TUT1: variants seen among roughly 807,000 people sequenced by gnomAD.
The protein encoded by TUT1 is speckle targeted PIP5K1A-regulated poly(A) polymerase.
In TUT1, 26 loss-of-function variants were observed where a neutral mutation model predicts 48.8. The ratio of observed to expected loss-of-function variants is 0.53; its 90% confidence interval spans 0.39 to 0.74. The LOEUF (loss-of-function observed/expected upper bound fraction) is 0.74. Ranked by LOEUF, TUT1 falls within the 30% of genes least tolerant of loss-of-function variation. The pLI, the probability that TUT1 is intolerant of heterozygous loss-of-function variation, is 0.00. For missense variants in TUT1, 1,065 were observed against 1,114.8 expected (o/e 0.96, Z 0.64); for synonymous variants, 470 against 460.8 (o/e 1.02, Z -0.26).
chr11:62,581,519 C>T lies in TUT1; in HGVS notation c.456G>A (p.Ala152=), dbSNP rs373277765. 9.5e-5 allele frequency: 154 copies of T among 1,614,090 alleles called. No homozygotes were observed. The highest frequency in any genetic ancestry group is 1.3e-4 in the Non-Finnish European group (149 of 1,180,052). The change falls in exon 3 of 9, where the codon GCG becomes GCA. Residue 152 remains alanine (A), a synonymous_variant. Transcript: ENST00000476907. ...CCCCCACGTCTGCAGCCTCAGCTAGCGCTTTGGCCAGCTGGTGACTGTCGG... is the reference window on the plus strand; with the variant it reads ...CCCCCACGTCTGCAGCCTCAGCTAGTGCTTTGGCCAGCTGGTGACTGTCGG... The part of the protein sequence containing the change: ...AAPDSHQLAK[A]LAEAADVGAQ...
intron 1 of TUT1, 103 bp downstream of exon 1, chr11:62,591,301 C>A: frequency 7.0e-7 from 1 of 1,429,642 alleles, no homozygotes. Flanking sequence ...CCCTACCAAT[C>A]AACTTGACAA....
intron 2 of TUT1, 47 bp from the exon 3 acceptor site, chr11:62,581,748 T>TGCG: frequency 7.6e-7 from 1 of 1,313,320 alleles, no homozygotes; most frequent in Admixed American, 3.8e-5. Context: ...ACCAAGAATC[T>TGCG]AAGCACGAGA....
chr11:62,583,673 T>C (rs776725148), intron 2 of TUT1, among the ~76,000 whole-genome samples: 10 of 152,162 alleles, frequency 6.6e-5, no homozygotes, highest in Non-Finnish European at 1.3e-4. Context: ...TTCTTTTATA[T>C]CCTCCAATGG....
In TUT1 at chr11:62,575,239, T is replaced by C; in HGVS notation, c.2480A>G (p.Glu827Gly). ...AGACGCCACAAAGCTCAGCAGGGGC[T>C]CAGTTTCTGGCCTCTCTTCGCCACC... ...LSGGEERPET[E>G]PLLSFVASVS... The change falls in exon 9 of 9, where the codon GAG (glutamate) becomes GGG (glycine). Residue 827 changes from glutamate (E) to glycine (G), a missense_variant. By Grantham distance (98) the Glu-to-Gly change is moderately conservative. Transcript: ENST00000476907. 1.2e-6 allele frequency: 2 copies of C among 1,614,092 alleles called. No homozygotes were observed. Among genetic ancestry groups the C allele is most frequent in the Non-Finnish European group, 8.5e-7 (1 of 1,179,976 alleles).
In TUT1 at chr11:62,581,472, C is replaced by A; in HGVS notation, c.503G>T (p.Gly168Val). ...DVGAQMIKLV[G>V]LRELSEAERQ... ...CTCGGCCTCGGACAACTCCCTCAGC[C>A]CCACAAGCTTTATCATTTGTGCCCC... The change falls in exon 3 of 9, where the codon GGG (glycine) becomes GTG (valine). Residue 168 changes from glycine to valine, a missense_variant. Physicochemically the swap from Gly to Val is moderately radical, Grantham distance 109 (BLOSUM62 -3). Transcript: ENST00000476907. 1 of 1,614,176 alleles carries A rather than the reference C, an allele frequency of 6.2e-7. No individual in the cohort carries two copies. The highest frequency in any genetic ancestry group is 8.5e-7 in the Non-Finnish European group (1 of 1,180,040).
chr11:62,588,925 C>A, intron 2 of TUT1, 106 bp downstream of exon 2: 1 of 1,081,522 alleles, frequency 9.2e-7, no homozygotes. Flanking sequence ...AACTCCTAAC[C>A]TCAGGTAATC....
intron 2 of TUT1, among the ~76,000 whole-genome samples, chr11:62,587,553 G>C (rs190639360): frequency 1.3e-5 from 2 of 152,156 alleles, no homozygotes; most frequent in Non-Finnish European, 1.5e-5. Context: ...CAGCAGTATC[G>C]TAACTATGAA....
In TUT1 at chr11:62,581,139, G is replaced by GGA. The variant is rs1941817913; in HGVS notation, c.656_657insTC (p.Phe220ProfsTer94). 6.2e-7 allele frequency: 1 copy of GGA among 1,614,024 alleles called. No individual in the cohort carries two copies. Among genetic ancestry groups the GGA allele is most frequent in the Non-Finnish European group, 8.5e-7 (1 of 1,180,026 alleles). ...CTTCCAAGTCACCCAGATCCAAGAA[G>GGA]AGGTCAAGATCACAGCCATGGACAT... is the stretch of plus-strand genomic sequence containing the variant. On this transcript the variant is annotated frameshift_variant, in exon 4 of 9. Transcript: ENST00000476907. LOFTEE classifies it high-confidence loss of function.
In TUT1 at chr11:62,577,232, C is replaced by T. The variant is rs377744327; in HGVS notation, c.1220G>A (p.Arg407Gln). 6.8e-6 allele frequency: 11 copies of T among 1,611,044 alleles called. No homozygotes were observed. Among genetic ancestry groups the T allele is most frequent in the Admixed American group, 1.7e-5 (1 of 58,778 alleles). The change falls in exon 6 of 9, where the codon CGG (arginine) becomes CAG (glutamine). Residue 407 changes from arginine (R) to glutamine (Q), a missense_variant. Coordinates refer to ENST00000476907, the MANE Select transcript of TUT1 (RefSeq NM_022830.3). Reference sequence around the variant, plus strand: ...GCAGCGGAGGGTGTACACGAGGGGCCGGACTCGACCATCCAGCTCAGAGCA... The same window carrying T: ...GCAGCGGAGGGTGTACACGAGGGGCTGGACTCGACCATCCAGCTCAGAGCA... ...SLCSELDGRV[R>Q]PLVYTLRCWA...
At chr11:62,587,192 T>C (rs1013508056) in intron 2 of TUT1, among the ~76,000 whole-genome samples, 2 of 152,084 alleles carry the variant, frequency 1.3e-5, no homozygotes, top group African/African-American at 4.8e-5. Context: ...CACTAACCTT[T>C]TTTTATGAGA....
At chr11:62,580,600 T>TA (rs1462501957) in intron 4 of TUT1, among the ~76,000 whole-genome samples, 1 of 148,838 alleles carries the variant, frequency 6.7e-6, no homozygotes, top group African/African-American at 2.5e-5. Flanking sequence ...CCATGTCAAT[T>TA]CTTTTTTTTT....
In TUT1 at chr11:62,575,092, CTT is replaced by C; in HGVS notation, c.2625_*1del. The stretch of plus-strand genomic sequence containing the variant: ...CTTTATTGCCCTTCAGGGGCCATGT[CTT>C]CACTTGAGATGTCGAATTGCTTGAG... On this transcript the variant is annotated stop_lost and 3_prime_UTR_variant, in exon 9 of 9. Coordinates refer to ENST00000476907, the MANE Select transcript of TUT1 (RefSeq NM_022830.3). The C allele has an allele frequency of 6.4e-7, 1 of 1,558,276 alleles. No individual in the cohort carries two copies. Among genetic ancestry groups the C allele is most frequent in the Non-Finnish European group, 8.7e-7 (1 of 1,151,658 alleles).
Position 62,591,408 on chromosome 11 carries a change from G to T in TUT1, c.78C>A (p.Ala26=). The T allele has an allele frequency of 6.3e-7, 1 of 1,583,234 alleles. No homozygotes were observed. The highest frequency in any genetic ancestry group is 8.6e-7 in the Non-Finnish European group (1 of 1,166,102). The part of the protein sequence containing the change: ...FRCCLCHVTT[A]NRPSLDAHLG... ...CCCTCACTAGCCACCGCTTACGGTT[G>T]GCTGTAGTAACGTGGCAGAGGCAGC... Residue 26 remains alanine, a synonymous_variant, in exon 1 of 9, where the codon GCC becomes GCA. Coordinates refer to ENST00000476907, the MANE Select transcript of TUT1 (RefSeq NM_022830.3).
chr11:62,590,612 G>A (rs1246590134), intron 1 of TUT1, among the ~76,000 whole-genome samples: 2 of 151,450 alleles, frequency 1.3e-5, no homozygotes, highest in African/African-American at 2.4e-5. Context: ...ACTCCAGCCT[G>A]GGTGACAGAG....
At chr11:62,580,024 C>G (rs1941800219) in intron 4 of TUT1, among the ~76,000 whole-genome samples, 1 of 151,964 alleles carries the variant, frequency 6.6e-6, no homozygotes. Flanking sequence ...CCTGTAATCC[C>G]AACAATTTGG....
At position 62,578,671 on chromosome 11, in the gene TUT1, G is replaced by T. The variant is rs1388066001; in HGVS notation, c.1050C>A (p.Gly350=). Residue 350 remains glycine (G), a synonymous_variant, in exon 5 of 9, where the codon GGC becomes GGA. Coordinates refer to ENST00000476907, the MANE Select transcript of TUT1 (RefSeq NM_022830.3). ...MLELVGSILR[G]CVPGVYRVQT... is the part of the protein sequence containing the mutation. ...GGACTCGATACACCCCAGGGACACA[G>T]CCCCGGAGAATGGATCCCACCAGCT... 1 of 1,614,252 alleles carries T rather than the reference G, an allele frequency of 6.2e-7. No individual in the cohort carries two copies. The highest frequency in any genetic ancestry group is 8.5e-7 in the Non-Finnish European group (1 of 1,180,042).
At chr11:62,588,979 C>G in intron 2 of TUT1, 52 bp downstream of exon 2, 1 of 1,535,850 alleles carries the variant, frequency 6.5e-7, no homozygotes, top group African/African-American at 1.4e-5. Context: ...CAGGCGTGAG[C>G]CATCGCGCCC....
At chr11:62,589,282 T>G in intron 1 of TUT1, 61 bp from the exon 2 acceptor site, 1 of 1,516,830 alleles carries the variant, frequency 6.6e-7, no homozygotes. Context: ...CTGCCTTTGC[T>G]CTCTGCATAC....
At chr11:62,586,914 A>C (rs530857029) in intron 2 of TUT1, among the ~76,000 whole-genome samples, 13 of 150,258 alleles carry the variant, frequency 8.7e-5, no homozygotes, top group Admixed American at 5.3e-4. Flanking sequence ...CATGTTGGCC[A>C]GGCTGGTCTC....
Sources: allele counts gnomAD v4.1 joint callset (sites outside exome capture counted in the v4.1 genomes callset), GRCh38; gene constraint gnomAD v4.1.1; transcripts MANE v1.5; gene names NCBI Gene and HGNC (gene_info 2026-07-23, HGNC 2026-07-21).